The following FARP1 variants were observed in gnomAD, a reference collection of about 807,000 sequenced individuals.
The protein encoded by FARP1 is FERM, ARH/RhoGEF and pleckstrin domain protein 1.
In FARP1, 52 loss-of-function variants were observed where a neutral mutation model predicts 128.8. That is an observed-to-expected ratio of 0.40 (90% CI 0.32 to 0.51). FARP1 has a LOEUF of 0.51. Ranked by LOEUF, FARP1 falls within the 20% of genes least tolerant of loss-of-function variation. The pLI, the probability that FARP1 is intolerant of heterozygous loss-of-function variation, is 0.45. For missense variants in FARP1, 1,333 were observed against 1,367.9 expected (o/e 0.97, Z 0.40); for synonymous variants, 580 against 551.8 (o/e 1.05, Z -0.72).
At chr13:98,239,669 G>A (rs77911655) in intron 2 of FARP1, among the ~76,000 whole-genome samples, 3,201 of 152,182 alleles carry the variant, frequency 0.021, 119 homozygotes, top group African/African-American at 0.07. Context: ...GGGCAGTGGG[G>A]AGAGGTGGTC....
At chr13:98,224,233 A>AAT (rs1008241032) in intron 2 of FARP1, among the ~76,000 whole-genome samples, 1 of 152,156 alleles carries the variant, frequency 6.6e-6, no homozygotes, top group African/African-American at 2.4e-5. Context: ...TGGCTTAAAA[A>AAT]ATAGGCAGTT....
chr13:98,244,619 T>G (rs372725491), intron 2 of FARP1: 58 of 1,614,108 alleles, frequency 3.6e-5, no homozygotes, highest in Non-Finnish European at 4.8e-5. Flanking sequence ...GAATTCTCAC[T>G]CATCTTACAG....
Position 98,143,506 on chromosome 13 carries a change from G to C in FARP1, c.-24+14G>C, listed in dbSNP as rs2139056985. ...GGCGCTGTGGAGGTAGGAGGCGCGC[G>C]GTGAACAATGACCGCGGCGGGAGGG... is the stretch of plus-strand genomic sequence containing the variant. On this transcript the variant is annotated intron_variant, in intron 1 of 26. Transcript: ENST00000319562. 1 of 150,502 alleles carries C rather than the reference G, an allele frequency of 6.6e-6. No individual in the cohort carries two copies. The highest frequency in any genetic ancestry group is 2.0e-4 in the South Asian group (1 of 4,962). 9.3% of individuals were successfully genotyped at this position (150,502 alleles called of 1,614,324 possible).
intron 2 of FARP1, among the ~76,000 whole-genome samples, chr13:98,226,401 T>G (rs1234410507): frequency 6.6e-6 from 1 of 152,208 alleles, no homozygotes; most frequent in African/African-American, 2.4e-5. Context: ...CTGACTTCAT[T>G]GCAACTTGAT....
At chr13:98,396,544 G>T (rs560161802) in intron 13 of FARP1, 4 of 398,894 alleles carry the variant, frequency 1.0e-5, no homozygotes, top group African/African-American at 8.2e-5. Flanking sequence ...CGAGACCAGG[G>T]TTTCCCTAAA....
At chr13:98,423,591 A>G (rs1367323615) in intron 16 of FARP1, among the ~76,000 whole-genome samples, 1 of 152,198 alleles carries the variant, frequency 6.6e-6, no homozygotes, top group African/African-American at 2.4e-5. Flanking sequence ...CACTGGCACA[A>G]CGGTTAGGCG....
In FARP1 at chr13:98,423,310, CATA is replaced by C. The variant is rs1479954182; in HGVS notation, c.1827-1261_1827-1259del. ...CAAGTTGACACTCGATATTAACCATCATAGGGTGTATGTAGATCCCGGGTCCCT... is the reference window on the plus strand; with the variant it reads ...CAAGTTGACACTCGATATTAACCATCGGGTGTATGTAGATCCCGGGTCCCT... On this transcript the variant is annotated intron_variant, in intron 16 of 26. Transcript: ENST00000319562. Among the ~76,000 whole-genome samples, 607 of 152,346 alleles carry C rather than the reference CATA, an allele frequency of 4.0e-3. 5 individuals are homozygous for C. The highest frequency in any genetic ancestry group is 0.014 in the African/African-American group (584 of 41,570).
At chr13:98,435,399 A>G (rs1892214852) in intron 18 of FARP1, 177 bp from the exon 19 acceptor site, 1 of 607,490 alleles carries the variant, frequency 1.6e-6, no homozygotes, top group Non-Finnish European at 2.7e-6. Flanking sequence ...AAATAAATAC[A>G]GAAAATACAC....
chr13:98,250,357 CAAAA>C (rs1883263176), intron 2 of FARP1, among the ~76,000 whole-genome samples: 1 of 151,938 alleles, frequency 6.6e-6, no homozygotes, highest in African/African-American at 2.4e-5. Flanking sequence ...CATAATCTGT[CAAAA>C]CTTTAAATTG....
At chr13:98,165,270 C>T (rs1166765829) in intron 1 of FARP1, among the ~76,000 whole-genome samples, 3 of 148,668 alleles carry the variant, frequency 2.0e-5, no homozygotes, top group African/African-American at 4.9e-5. Context: ...ATGATTGCTT[C>T]GTTGGTCTCA....
chr13:98,395,330 G>C lies in FARP1; in HGVS notation c.1268G>C (p.Gly423Ala). The change falls in exon 13 of 27, where the codon GGG (glycine) becomes GCG (alanine). Residue 423 changes from glycine (G) to alanine (A), a missense_variant. Physicochemically the swap from Gly to Ala is moderately conservative, Grantham distance 60 (BLOSUM62 0). This residue lies in a region of FARP1 where 1,009 missense variants were observed against 969.8 expected (regional missense o/e 1.04). Transcript: ENST00000319562. ...KEPKVSAGEPGSHPSPAPRRS... is the reference protein window; with the variant it reads ...KEPKVSAGEPASHPSPAPRRS... The stretch of plus-strand genomic sequence containing the variant: ...CCGAAGGTTTCCGCCGGGGAGCCGG[G>C]GTCGCACCCGAGCCCTGCGCCGAGG... The C allele has an allele frequency of 1.2e-6, 2 of 1,610,412 alleles. No homozygotes were observed. Among genetic ancestry groups the C allele is most frequent in the Non-Finnish European group, 1.7e-6 (2 of 1,177,808 alleles).
chr13:98,179,095 A>T (rs1179255882), intron 1 of FARP1, among the ~76,000 whole-genome samples: 1 of 152,160 alleles, frequency 6.6e-6, no homozygotes, highest in East Asian at 1.9e-4. Flanking sequence ...ATAAAGACAC[A>T]CCTGAGACTG....
intron 1 of FARP1, among the ~76,000 whole-genome samples, chr13:98,164,962 C>T: frequency 6.6e-6 from 1 of 152,068 alleles, no homozygotes; most frequent in East Asian, 1.9e-4. Flanking sequence ...TGACTGTAAT[C>T]CCAGCCCTTT....
intron 24 of FARP1, among the ~76,000 whole-genome samples, chr13:98,442,696 G>A (rs1196943328): frequency 6.6e-6 from 1 of 152,232 alleles, no homozygotes; most frequent in Non-Finnish European, 1.5e-5. Context: ...AGCAGGAAAG[G>A]AGACCCCCGA....
chr13:98,439,955 C>G lies in FARP1; in HGVS notation c.2434-6C>G. ...TCATGGTGACGTTATCTTCTCTTGC[C>G]CACAGATTGAGGAGAGCGAAGACGA... is the stretch of plus-strand genomic sequence containing the variant. On this transcript the variant is annotated splice_polypyrimidine_tract_variant and splice_region_variant and intron_variant, in intron 21 of 26. Transcript: ENST00000319562. The G allele has an allele frequency of 6.4e-7, 1 of 1,552,786 alleles. No homozygotes were observed. Among genetic ancestry groups the G allele is most frequent in the Non-Finnish European group, 8.7e-7 (1 of 1,143,324 alleles).
At chr13:98,446,043 T>G (rs1892811883) in intron 24 of FARP1, 55 bp from the exon 25 acceptor site, 1 of 1,210,768 alleles carries the variant, frequency 8.3e-7, no homozygotes, top group Non-Finnish European at 1.2e-6. Flanking sequence ...CTGCTCTCTG[T>G]GCCCTCCTGG....
intron 2 of FARP1, among the ~76,000 whole-genome samples, chr13:98,322,243 A>T (rs1398312243): frequency 6.6e-6 from 1 of 152,232 alleles, no homozygotes; most frequent in African/African-American, 2.4e-5. Flanking sequence ...GGTTGCAGTG[A>T]GTGGAGATTG....
intron 3 of FARP1, among the ~76,000 whole-genome samples, chr13:98,364,611 G>T (rs1208258114): frequency 1.3e-5 from 2 of 152,150 alleles, no homozygotes; most frequent in East Asian, 3.8e-4. Context: ...ATGAGCTTCT[G>T]TGGAACCCTT....
In FARP1 at chr13:98,409,497, C is replaced by G; in HGVS notation, c.1574C>G (p.Thr525Arg). Residue 525 changes from threonine to arginine, a missense_variant, in exon 14 of 27, where the codon ACG becomes AGG. This residue lies in a region of FARP1 where 1,009 missense variants were observed against 969.8 expected (regional missense o/e 1.04). Coordinates refer to ENST00000319562, the MANE Select transcript of FARP1 (RefSeq NM_005766.4). ...PLLNDQACPR[T>R]DDEDEGRRKR... ...CTGAATGACCAGGCCTGCCCCCGGA[C>G]GGACGATGAGGATGAGGGCCGGAGG... is the stretch of plus-strand genomic sequence containing the variant. 1.2e-6 allele frequency: 2 copies of G among 1,612,940 alleles called. No individual in the cohort carries two copies. Among genetic ancestry groups the G allele is most frequent in the Non-Finnish European group, 1.7e-6 (2 of 1,179,444 alleles).
Sources: gnomAD v4.1 joint callset for allele counts (sites outside exome capture counted in the v4.1 genomes callset) on GRCh38, gnomAD v4.1.1 for gene constraint, gnomAD v4.1.1 regional missense constraint, MANE v1.5 for transcripts, NCBI Gene and HGNC (gene_info 2026-07-23, HGNC 2026-07-21) for gene names.